The following RGS7 variants were observed in gnomAD, a reference collection of about 807,000 sequenced individuals.
The protein encoded by RGS7 is regulator of G protein signaling 7, also known as regulator of G-protein signaling 7.
In RGS7, 27 loss-of-function variants were observed where a neutral mutation model predicts 81.1. That is an observed-to-expected ratio of 0.33 (90% CI 0.25 to 0.46). The LOEUF (loss-of-function observed/expected upper bound fraction) is 0.46, where lower values mean the gene tolerates loss of function less well. Among genes scored for constraint, RGS7 ranks in the 20% least tolerant of loss-of-function variants. The pLI is 1.00. For missense variants in RGS7, 396 were observed against 607.4 expected, an observed-to-expected ratio of 0.65 and a Z score of 3.66; for synonymous variants, 208 against 207.7, an observed-to-expected ratio of 1.00 and a Z score of -0.01.
chr1:241,255,989 T>G (rs543029678), intron 2 of RGS7, among the ~76,000 whole-genome samples: 1 of 152,260 alleles, frequency 6.6e-6, no homozygotes, highest in East Asian at 1.9e-4. Context: ...GAGAAGTCCT[T>G]GAAAATGACA....
intron 18 of RGS7, among the ~76,000 whole-genome samples, chr1:240,799,259 G>GTGTA (rs1687614642): frequency 6.9e-6 from 1 of 144,324 alleles, no homozygotes. Context: ...TGGTTTGTGT[G>GTGTA]TGTGTGTGTG....
intron 11 of RGS7, 57 bp from the exon 12 acceptor site, chr1:240,814,834 A>G (rs1379963621): frequency 2.8e-6 from 3 of 1,070,336 alleles, no homozygotes; most frequent in Non-Finnish European, 4.4e-6. Context: ...ACAATTTTCC[A>G]CTCTAAATCA....
rs200584805 is a variant in RGS7, at chr1:241,261,046, C to T, written c.78+94653G>A. 7.3e-5 allele frequency among the ~76,000 whole-genome samples: 11 copies of T among 151,542 alleles called. No homozygotes were observed. The East Asian group carries it at 2.1e-3, about 29-fold the overall frequency. On this transcript the variant is annotated intron_variant, in intron 2 of 18. Coordinates refer to ENST00000440928, the MANE Select transcript of RGS7 (RefSeq NM_001364886.1). ...ATGTAACTAACCTGCACAATGTGCA[C>T]ATGTACCCTAAAACTTAAAGTATAA...
At chr1:240,990,205 C>T (rs1393057083) in intron 3 of RGS7, among the ~76,000 whole-genome samples, 1 of 152,054 alleles carries the variant, frequency 6.6e-6, no homozygotes, top group Non-Finnish European at 1.5e-5. Context: ...AGGCATTTTC[C>T]AGAAAGAATG....
At chr1:240,809,488 A>G (rs1285558670) in intron 14 of RGS7, among the ~76,000 whole-genome samples, 1 of 152,194 alleles carries the variant, frequency 6.6e-6, no homozygotes, top group Admixed American at 6.5e-5. Context: ...GAAGCAGAGT[A>G]GGGCTCAGAT....
chr1:241,154,541 A>G lies in RGS7; in HGVS notation c.79-55779T>C, dbSNP rs538543682. The stretch of plus-strand genomic sequence containing the variant: ...TGAAAGCCAGGACTGTGCCCAGAGA[A>G]GGCGAAGTGATTAGAACACTCTTGA... On this transcript the variant is annotated intron_variant, in intron 2 of 18. Transcript: ENST00000440928. Among the ~76,000 whole-genome samples the G allele has an allele frequency of 9.2e-5, 14 of 152,356 alleles. No homozygotes were observed. The South Asian group carries it at 1.7e-3, about 18-fold the overall frequency.
intron 4 of RGS7, among the ~76,000 whole-genome samples, chr1:240,976,403 C>A (rs150877749): frequency 6.6e-6 from 1 of 152,290 alleles, no homozygotes; most frequent in South Asian, 2.1e-4. Context: ...TAACTTTATA[C>A]GTCAACCTGG....
rs536972921 is a variant in RGS7, at chr1:240,996,749, C to T, written c.176-13620G>A. Among the ~76,000 whole-genome samples the T allele has an allele frequency of 2.0e-5, 3 of 152,256 alleles. 1 individual carries two copies. The South Asian group carries it at 6.2e-4, about 32-fold the overall frequency. On this transcript the variant is annotated intron_variant, in intron 3 of 18. Transcript: ENST00000440928. Reference sequence around the variant, plus strand: ...TAGTTGAGCCATGATTTTATCCACTCTGCTGGCCTCTGTCTTTTAAATAGT... The same window carrying T: ...TAGTTGAGCCATGATTTTATCCACTTTGCTGGCCTCTGTCTTTTAAATAGT...
intron 3 of RGS7, among the ~76,000 whole-genome samples, chr1:241,050,905 G>A (rs2061214542): frequency 2.0e-5 from 3 of 152,120 alleles, no homozygotes; most frequent in African/African-American, 7.2e-5. Flanking sequence ...GATTGGTAAG[G>A]CTTCTGGTCA....
At chr1:241,155,247 C>T (rs2069035308) in intron 2 of RGS7, among the ~76,000 whole-genome samples, 1 of 152,066 alleles carries the variant, frequency 6.6e-6, no homozygotes, top group Non-Finnish European at 1.5e-5. Context: ...ATTACAGGTG[C>T]ATACCCCGAG....
chr1:241,193,362 C>A (rs1473072331), intron 2 of RGS7, among the ~76,000 whole-genome samples: 9 of 152,182 alleles, frequency 5.9e-5, no homozygotes. Flanking sequence ...CTTTGCCACT[C>A]TCCTGTGTTA....
At chr1:241,312,816 G>C (rs2080627860) in intron 2 of RGS7, among the ~76,000 whole-genome samples, 1 of 151,760 alleles carries the variant, frequency 6.6e-6, no homozygotes, top group Non-Finnish European at 1.5e-5. Context: ...AGCTTCATGA[G>C]AGAGGCATGT....
intron 2 of RGS7, among the ~76,000 whole-genome samples, chr1:241,219,347 C>T (rs1243281219): frequency 6.6e-6 from 1 of 152,140 alleles, no homozygotes; most frequent in Non-Finnish European, 1.5e-5. Flanking sequence ...TGCTGCCATC[C>T]ATATAAGACG....
At chr1:240,888,792 G>A (rs1667793174) in intron 6 of RGS7, among the ~76,000 whole-genome samples, 1 of 152,112 alleles carries the variant, frequency 6.6e-6, no homozygotes, top group Non-Finnish European at 1.5e-5. Flanking sequence ...GACAGTCAAA[G>A]CCAGGCATTA....
intron 4 of RGS7, among the ~76,000 whole-genome samples, chr1:240,951,888 G>A (rs1178790279): frequency 6.6e-6 from 1 of 152,040 alleles, no homozygotes; most frequent in Admixed American, 6.6e-5. Flanking sequence ...AAAAAAGCGA[G>A]AAAAATATCC....
intron 3 of RGS7, among the ~76,000 whole-genome samples, chr1:241,045,361 C>T (rs963384026): frequency 2.6e-5 from 4 of 151,884 alleles, no homozygotes; most frequent in Non-Finnish European, 5.9e-5. Context: ...TATTTACTTA[C>T]TTATTTATTT....
intron 4 of RGS7, among the ~76,000 whole-genome samples, chr1:240,980,465 A>G (rs1057254029): frequency 6.6e-6 from 1 of 152,188 alleles, no homozygotes; most frequent in African/African-American, 2.4e-5. Context: ...GAGAGCACAC[A>G]AGACAGAAAC....
chr1:241,159,339 T>C (rs1375868062), intron 2 of RGS7, among the ~76,000 whole-genome samples: 1 of 152,188 alleles, frequency 6.6e-6, no homozygotes, highest in African/African-American at 2.4e-5. Context: ...CTAATCGCCA[T>C]GTTTTCATTA....
Position 241,144,092 on chromosome 1 carries a change from T to A in RGS7, c.79-45330A>T, listed in dbSNP as rs184583183. On this transcript the variant is annotated intron_variant, in intron 2 of 18. Coordinates refer to ENST00000440928, the MANE Select transcript of RGS7 (RefSeq NM_001364886.1). The surrounding 1 kb of genome is among the most constrained non-coding windows in gnomAD (Gnocchi z 4.7). ...CCGCCTGAGTGGACTAAGGCAGTAA[T>A]GTAAAGATTTTACTAGCTTTTATAG... Among the ~76,000 whole-genome samples the A allele has an allele frequency of 2.8e-4, 42 of 152,254 alleles. No homozygotes were observed. Among genetic ancestry groups the A allele is most frequent in the Non-Finnish European group, 2.1e-4 (14 of 68,032 alleles).
Sources: gnomAD v4.1 joint callset for allele counts (sites outside exome capture counted in the v4.1 genomes callset) on GRCh38, gnomAD v4.1.1 for gene constraint, Gnocchi (gnomAD v3.1) non-coding constraint, MANE v1.5 for transcripts, NCBI Gene and HGNC (gene_info 2026-07-23, HGNC 2026-07-21) for gene names.